Variants in INTS14 observed in about 807,000 individuals in gnomAD.
INTS14 encodes UPF0464 protein C15orf44.
A neutral mutation model predicts 56.9 loss-of-function variants in INTS14; 27 were observed. The observed-to-expected ratio is 0.47, with a 90% CI of 0.35 to 0.65. INTS14 has a LOEUF of 0.65. INTS14 is among the 30% of genes least tolerant of loss of function. INTS14 has a pLI of 0.00. For missense variants in INTS14, 517 were observed against 632.2 expected (o/e 0.82, Z 1.95); for synonymous variants, 207 against 236.2 (o/e 0.88, Z 1.13).
intron 1 of INTS14, among the ~76,000 whole-genome samples, chr15:65,609,140 G>C (rs999388642): frequency 6.6e-6 from 1 of 152,002 alleles, no homozygotes; most frequent in Non-Finnish European, 1.5e-5. Flanking sequence ...GGCTGGTCTC[G>C]AACTTCTGAC....
chr15:65,596,390 A>AT (rs1165158219), intron 6 of INTS14, among the ~76,000 whole-genome samples: 1 of 152,082 alleles, frequency 6.6e-6, no homozygotes, highest in Non-Finnish European at 1.5e-5. Context: ...CATTTCGATT[A>AT]TATAATATAA....
In INTS14 at chr15:65,591,607, G is replaced by C; in HGVS notation, c.1111C>G (p.Pro371Ala). Residue 371 changes from proline (P) to alanine (A), a missense_variant, in exon 9 of 12, where the codon CCT becomes GCT. Coordinates refer to ENST00000313182, the MANE Select transcript of INTS14 (RefSeq NM_001394796.1). ...CTGATCTGGATTATACCTGAAATAGGACCCAACTGTGCCATTTTCCCTAGC... is the reference window on the plus strand; with the variant it reads ...CTGATCTGGATTATACCTGAAATAGCACCCAACTGTGCCATTTTCCCTAGC... ...PWLGKMAQLG[P>A]ISDAKENPYG... The C allele has an allele frequency of 6.2e-7, 1 of 1,613,922 alleles. No homozygotes were observed. The highest frequency in any genetic ancestry group is 1.7e-4 in the Middle Eastern group (1 of 6,060).
intron 3 of INTS14, among the ~76,000 whole-genome samples, chr15:65,602,666 T>TA (rs2073482137): frequency 2.0e-5 from 3 of 150,232 alleles, no homozygotes; most frequent in Admixed American, 6.6e-5. Context: ...TCTACTACAA[T>TA]GTTTTTTTTT....
In INTS14 at chr15:65,611,116, C is replaced by A. The variant is rs1288015777; in HGVS notation, c.-81G>T. 1.3e-6 allele frequency: 2 copies of A among 1,535,308 alleles called. No homozygotes were observed. Among genetic ancestry groups the A allele is most frequent in the Non-Finnish European group, 8.7e-7 (1 of 1,146,582 alleles). On this transcript the variant is annotated 5_prime_UTR_variant, in exon 1 of 12. Transcript: ENST00000313182. ...CACTCACCCCGTGCCCATCGCCGGA[C>A]ACAGTCCGTCGGCATAAACTTTCCG...
intron 1 of INTS14, chr15:65,610,856 G>C: frequency 6.5e-7 from 1 of 1,527,892 alleles, no homozygotes; most frequent in Non-Finnish European, 8.7e-7. Flanking sequence ...AGGGGGCAGA[G>C]GGGAGCTGAG....
At chr15:65,600,027 G>A in intron 3 of INTS14, 98 bp from the exon 4 acceptor site, 4 of 1,336,808 alleles carry the variant, frequency 3.0e-6, no homozygotes, top group Non-Finnish European at 4.0e-6. Flanking sequence ...GGGCACCAGG[G>A]CTGGCTATGG....
chr15:65,587,854 C>T (rs185009456), intron 9 of INTS14, among the ~76,000 whole-genome samples: 106 of 152,166 alleles, frequency 7.0e-4, no homozygotes, highest in Non-Finnish European at 1.3e-3. Context: ...TGGTGGCATG[C>T]ACCCGTGGTC....
At chr15:65,605,634 GATT>G (rs1263145472) in intron 2 of INTS14, among the ~76,000 whole-genome samples, 1 of 152,214 alleles carries the variant, frequency 6.6e-6, no homozygotes, top group Non-Finnish European at 1.5e-5. Flanking sequence ...ATAAGGTATA[GATT>G]ATTAACCCTA....
intron 3 of INTS14, 142 bp from the exon 4 acceptor site, chr15:65,600,071 G>GCCTC: frequency 4.6e-6 from 4 of 872,048 alleles, no homozygotes; most frequent in Non-Finnish European, 6.8e-6. Context: ...GCTTTGGGAG[G>GCCTC]CCAAGGCAGG....
intron 2 of INTS14, among the ~76,000 whole-genome samples, chr15:65,606,778 C>T (rs545620835): frequency 1.3e-5 from 2 of 152,222 alleles, no homozygotes; most frequent in Admixed American, 6.5e-5. Context: ...TTTTGAATTA[C>T]TCTAGAATAA....
intron 1 of INTS14, chr15:65,610,628 T>C (rs2073883129): frequency 8.0e-6 from 12 of 1,505,310 alleles, no homozygotes; most frequent in Non-Finnish European, 1.1e-5. Flanking sequence ...CATAAAGAAC[T>C]GATTCTCAGC....
intron 2 of INTS14, 118 bp from the exon 3 acceptor site, chr15:65,605,354 C>T: frequency 1.4e-6 from 1 of 709,788 alleles, no homozygotes; most frequent in South Asian, 1.8e-5. Context: ...TATCTGAGAG[C>T]ACCAAAGCAT....
At chr15:65,602,611 T>C (rs2073479601) in intron 3 of INTS14, among the ~76,000 whole-genome samples, 6 of 152,062 alleles carry the variant, frequency 3.9e-5, no homozygotes, top group Admixed American at 2.6e-4. Flanking sequence ...AGCAAGTTTG[T>C]TTTATAGTAA....
At chr15:65,594,397 CT>C (rs35506776) in intron 7 of INTS14, among the ~76,000 whole-genome samples, 29,034 of 144,372 alleles carry the variant, frequency 0.2, 3,641 homozygotes, top group East Asian at 0.73. Flanking sequence ...CTTTTTCTTT[CT>C]TTTTTTTTTT....
intron 8 of INTS14, among the ~76,000 whole-genome samples, chr15:65,593,017 A>G (rs1445587528): frequency 6.6e-6 from 1 of 151,942 alleles, no homozygotes; most frequent in African/African-American, 2.4e-5. Context: ...GCATTTTGGG[A>G]GGCCAAGGTG....
chr15:65,610,942 C>T, intron 1 of INTS14, 156 bp downstream of exon 1: 1 of 1,469,120 alleles, frequency 6.8e-7, no homozygotes, highest in Non-Finnish European at 9.0e-7. Flanking sequence ...GGGAGCAGCG[C>T]CCCGGAACTG....
In INTS14 at chr15:65,599,892, C is replaced by T. The variant is rs1372133906; in HGVS notation, c.368G>A (p.Arg123Lys). The T allele has an allele frequency of 6.2e-7, 1 of 1,613,956 alleles. No individual in the cohort carries two copies. The highest frequency in any genetic ancestry group is 8.5e-7 in the Non-Finnish European group (1 of 1,179,906). Reference protein sequence around the residue: ...LVTDGCLGIGRGSLRHSLATQ... With the variant: ...LVTDGCLGIGKGSLRHSLATQ... ...GGCTAGGGAATGTCGCAGTGACCCT[C>T]TACCAATGCCAAGACAGCCGTCTGT... is the stretch of plus-strand genomic sequence containing the variant. The change falls in exon 4 of 12, where the codon AGA becomes AAA. Residue 123 changes from arginine (R) to lysine (K), a missense_variant. Physicochemically the swap from Arg to Lys is conservative, Grantham distance 26. Transcript: ENST00000313182.
chr15:65,600,075 AGGC>A, intron 3 of INTS14, 146 bp from the exon 4 acceptor site: 2 of 828,378 alleles, frequency 2.4e-6, no homozygotes, highest in Non-Finnish European at 1.8e-6. Context: ...TGGGAGGCCA[AGGC>A]AGGACTGCTT....
At chr15:65,592,152 ACT>A (rs1345002155) in intron 8 of INTS14, among the ~76,000 whole-genome samples, 2 of 152,118 alleles carry the variant, frequency 1.3e-5, no homozygotes, top group African/African-American at 4.8e-5. Context: ...TGTAAAAGAG[ACT>A]CTGTCCCCAG....
Sources: gnomAD v4.1 joint callset for allele counts (sites outside exome capture counted in the v4.1 genomes callset) on GRCh38, gnomAD v4.1.1 for gene constraint, MANE v1.5 for transcripts, NCBI Gene and HGNC (gene_info 2026-07-23, HGNC 2026-07-21) for gene names.